LRBA: variants seen among roughly 807,000 people sequenced by gnomAD.
LRBA encodes lipopolysaccharide-responsive and beige-like anchor protein.
In LRBA, 176 loss-of-function variants were observed where a neutral mutation model predicts 330.0. The observed-to-expected ratio is 0.53, with a 90% CI of 0.47 to 0.60. The LOEUF is 0.60. LRBA is among the 20% of genes least tolerant of loss of function. The pLI, the probability that LRBA is intolerant of heterozygous loss-of-function variation, is 0.00. For synonymous variants in LRBA, 1,230 were observed against 1,193.0 expected (o/e 1.03, Z -0.64); for missense variants, 3,259 against 3,444.8 (o/e 0.95, Z 1.35).
rs1735656748 is a variant in LRBA at position 150,941,334 on chromosome 4, G to A, written c.217-12269C>T. Among the ~76,000 whole-genome samples, 3 of 151,868 alleles carry A rather than the reference G, an allele frequency of 2.0e-5. No homozygotes were observed. The South Asian group carries it at 6.2e-4, about 32-fold the overall frequency. ...CGCCCAGCTAATTTTTGTATTTTTA[G>A]TAGAGACAGGGTTTCACCATTTTGG... On this transcript the variant is annotated intron_variant, in intron 2 of 56. Transcript: ENST00000651943.
In LRBA at chr4:150,775,922, A is replaced by G. The variant is rs188338792; in HGVS notation, c.5581-14075T>C. On this transcript the variant is annotated intron_variant, in intron 34 of 56. Transcript: ENST00000651943. Reference sequence around the variant, plus strand: ...GAGCAGAGAAGAGAGAGGAGGGCAGAAGAGGAGAAAAGAGGGGAGAAAAAA... The same window carrying G: ...GAGCAGAGAAGAGAGAGGAGGGCAGGAGAGGAGAAAAGAGGGGAGAAAAAA... 6.6e-3 allele frequency among the ~76,000 whole-genome samples: 998 copies of G among 151,894 alleles called. 5 individuals are homozygous for G. Among genetic ancestry groups the G allele is most frequent in the Non-Finnish European group, 0.012 (790 of 67,936 alleles).
intron 56 of LRBA, among the ~76,000 whole-genome samples, chr4:150,274,335 T>A (rs1746493078): frequency 1.3e-5 from 2 of 152,134 alleles, no homozygotes; most frequent in African/African-American, 4.8e-5. Context: ...TTATAGTACG[T>A]AATGCCCACA....
intron 40 of LRBA, among the ~76,000 whole-genome samples, chr4:150,559,135 T>C (rs1224116740): frequency 6.6e-6 from 1 of 152,004 alleles, no homozygotes; most frequent in African/African-American, 2.4e-5. Context: ...TGAAGACTAT[T>C]CTGTTAAAAA....
chr4:150,453,093 T>C (rs1439726697), intron 44 of LRBA, among the ~76,000 whole-genome samples: 1 of 152,148 alleles, frequency 6.6e-6, no homozygotes, highest in Non-Finnish European at 1.5e-5. Flanking sequence ...ATTGGAACAT[T>C]CAATATTCTT....
At position 150,938,987 on chromosome 4, in the gene LRBA, T is replaced by C. The variant is rs551724299; in HGVS notation, c.217-9922A>G. On this transcript the variant is annotated intron_variant, in intron 2 of 56. Coordinates refer to ENST00000651943, the MANE Select transcript of LRBA (RefSeq NM_001364905.1). The stretch of plus-strand genomic sequence containing the variant: ...ATCCTTATTCCCCATTCTTATACCA[T>C]AGCAGGTGTTAGTTCACCAAAAGTG... 3.3e-4 allele frequency among the ~76,000 whole-genome samples: 50 copies of C among 152,320 alleles called. No individual in the cohort carries two copies. The South Asian group carries it at 9.5e-3, about 29-fold the overall frequency.
intron 2 of LRBA, among the ~76,000 whole-genome samples, chr4:150,998,225 T>C (rs1420348546): frequency 3.3e-5 from 5 of 151,328 alleles, no homozygotes; most frequent in African/African-American, 1.2e-4. Context: ...TGGTGGTGCA[T>C]GACTGTAATC....
In LRBA at chr4:150,571,640, T is replaced by C. The variant is rs78094993; in HGVS notation, c.6330+16408A>G. Among the ~76,000 whole-genome samples, 15 of 144,350 alleles carry C rather than the reference T, an allele frequency of 1.0e-4. No individual in the cohort carries two copies. In the East Asian group the frequency reaches 3.1e-3, roughly 30 times the overall value. The allele number at this position is 144,350 out of a possible 152,430, so 94.7% of individuals were successfully genotyped here. On this transcript the variant is annotated intron_variant, in intron 40 of 56. Coordinates refer to ENST00000651943, the MANE Select transcript of LRBA (RefSeq NM_001364905.1). ...ATACCTTTAGTATGCATTAACCTAC[T>C]GGTTAGTTGTTTTTTTTTTTTTTTT...
intron 36 of LRBA, among the ~76,000 whole-genome samples, chr4:150,690,460 G>A (rs893717976): frequency 6.7e-6 from 1 of 148,458 alleles, no homozygotes. Context: ...CCGAGATCAC[G>A]CCACTGCACT....
chr4:150,926,568 TATTGTCTAA>T (rs928068822), intron 4 of LRBA, among the ~76,000 whole-genome samples: 5 of 152,204 alleles, frequency 3.3e-5, no homozygotes, highest in Admixed American at 2.6e-4. Context: ...ATGTCTGATA[TATTGTCTAA>T]ATTCAGTAGC....
chr4:150,732,401 T>C (rs1364467915), intron 36 of LRBA, among the ~76,000 whole-genome samples: 1 of 152,058 alleles, frequency 6.6e-6, no homozygotes, highest in Non-Finnish European at 1.5e-5. Flanking sequence ...AAAAATGTAC[T>C]TTCTGTTAAC....
chr4:150,887,205 A>C (rs1374451049), intron 17 of LRBA, among the ~76,000 whole-genome samples: 1 of 152,222 alleles, frequency 6.6e-6, no homozygotes, highest in Admixed American at 6.5e-5. Context: ...AATGCATACT[A>C]TCTGAAACAA....
chr4:150,915,506 A>G lies in LRBA; in HGVS notation c.1014+102T>C, dbSNP rs878963147. On this transcript the variant is annotated intron_variant, in intron 8 of 56. Coordinates refer to ENST00000651943, the MANE Select transcript of LRBA (RefSeq NM_001364905.1). ...TATGTTTATAAAAATCTACCATTGT[A>G]ATACTTTGAATTTTATATTCAAGTT... 11 of 1,010,640 alleles carry G rather than the reference A, an allele frequency of 1.1e-5. No homozygotes were observed. The South Asian group carries it at 1.8e-4, about 17-fold the overall frequency. 62.6% of individuals were successfully genotyped at this position (1,010,640 alleles called of 1,614,324 possible).
chr4:150,805,590 GGAAAGGA>G (rs1742643667), intron 33 of LRBA, among the ~76,000 whole-genome samples: 1 of 105,460 alleles, frequency 9.5e-6, no homozygotes, highest in African/African-American at 3.9e-5. Context: ...GGAAAGGAAA[GGAAAGGA>G]AAGGAAAAGA....
chr4:150,657,688 G>C (rs1328488518), intron 37 of LRBA, among the ~76,000 whole-genome samples: 2 of 151,800 alleles, frequency 1.3e-5, no homozygotes, highest in African/African-American at 4.8e-5. Context: ...TAATAGAGTA[G>C]AACAAAGTAC....
At chr4:150,500,060 CCA>C (rs1432534440) in intron 40 of LRBA, among the ~76,000 whole-genome samples, 14 of 152,028 alleles carry the variant, frequency 9.2e-5, no homozygotes, top group South Asian at 2.1e-4. Context: ...TAGAATGACT[CCA>C]GTGAACAATA....
chr4:150,625,422 A>C (rs1776753747), intron 37 of LRBA, among the ~76,000 whole-genome samples: 1 of 152,220 alleles, frequency 6.6e-6, no homozygotes, highest in African/African-American at 2.4e-5. Flanking sequence ...CAAATGAGCA[A>C]AAAGTAACAT....
chr4:150,542,928 T>C (rs1184534729), intron 40 of LRBA, among the ~76,000 whole-genome samples: 1 of 152,086 alleles, frequency 6.6e-6, no homozygotes, highest in Non-Finnish European at 1.5e-5. Context: ...ACTAAAAAAT[T>C]AGACCAAAAT....
intron 2 of LRBA, among the ~76,000 whole-genome samples, chr4:150,935,273 C>T (rs916184628): frequency 6.6e-6 from 1 of 151,716 alleles, no homozygotes; most frequent in African/African-American, 2.4e-5. Flanking sequence ...AGGAATGACA[C>T]CAAGTAGTAA....
chr4:150,729,795 A>C (rs1365141539), intron 36 of LRBA, among the ~76,000 whole-genome samples: 2 of 152,208 alleles, frequency 1.3e-5, no homozygotes, highest in South Asian at 2.1e-4. Flanking sequence ...ATAAAAACAG[A>C]CACATAAACC....
Sources: allele counts gnomAD v4.1 joint callset (sites outside exome capture counted in the v4.1 genomes callset), GRCh38; gene constraint gnomAD v4.1.1; transcripts MANE v1.5; gene names NCBI Gene and HGNC (gene_info 2026-07-23, HGNC 2026-07-21).